The following SORCS1 variants were observed in gnomAD, a reference collection of about 807,000 sequenced individuals.
SORCS1 encodes the protein sortilin related VPS10 domain containing receptor 1, also known as VPS10 domain-containing receptor SorCS1.
A neutral mutation model predicts 146.1 loss-of-function variants in SORCS1; 60 were observed. The observed-to-expected ratio is 0.41, with a 90% CI of 0.33 to 0.51. SORCS1 has a LOEUF of 0.51. SORCS1 is among the 20% of genes least tolerant of loss of function. SORCS1 has a pLI of 0.21. For missense variants in SORCS1, 1,352 were observed against 1,487.6 expected (o/e 0.91, Z 1.50); for synonymous variants, 637 against 584.0 (o/e 1.09, Z -1.31).
chr10:106,774,663 G>T (rs1334554606), intron 4 of SORCS1, among the ~76,000 whole-genome samples: 2 of 152,106 alleles, frequency 1.3e-5, no homozygotes, highest in African/African-American at 4.8e-5. Flanking sequence ...CAGATCACTA[G>T]ATCTCTATCT....
intron 24 of SORCS1, among the ~76,000 whole-genome samples, chr10:106,583,362 T>C (rs1845034983): frequency 1.3e-5 from 2 of 152,166 alleles, no homozygotes; most frequent in African/African-American, 4.8e-5. Flanking sequence ...ACAGCAGCCC[T>C]TGCAGAAAAG....
intron 2 of SORCS1, among the ~76,000 whole-genome samples, chr10:106,919,726 A>T (rs1417585829): frequency 6.6e-6 from 1 of 152,236 alleles, no homozygotes. Context: ...ATAAAAATGT[A>T]TAAATAAAGT....
chr10:107,021,597 G>T (rs993599254), intron 1 of SORCS1, among the ~76,000 whole-genome samples: 47 of 148,210 alleles, frequency 3.2e-4, no homozygotes, highest in African/African-American at 1.1e-3. Flanking sequence ...CAGTTTTAGA[G>T]ATTTCATGTT....
intron 18 of SORCS1, among the ~76,000 whole-genome samples, chr10:106,637,570 G>C (rs1357376540): frequency 6.6e-6 from 1 of 152,172 alleles, no homozygotes; most frequent in African/African-American, 2.4e-5. Flanking sequence ...CTCTGACCTG[G>C]GGGATGAAGA....
chr10:107,072,551 A>G (rs1314182143), intron 1 of SORCS1, among the ~76,000 whole-genome samples: 2 of 152,012 alleles, frequency 1.3e-5, no homozygotes, highest in African/African-American at 2.4e-5. Flanking sequence ...ACACACATAC[A>G]TGTATTTATA....
chr10:106,962,962 G>A (rs1451757367), intron 1 of SORCS1, among the ~76,000 whole-genome samples: 1 of 152,048 alleles, frequency 6.6e-6, no homozygotes, highest in African/African-American at 2.4e-5. Flanking sequence ...GCAGCTTGCT[G>A]GAGACCAATT....
intron 1 of SORCS1, among the ~76,000 whole-genome samples, chr10:107,048,353 A>G (rs1291290566): frequency 6.6e-6 from 1 of 152,176 alleles, no homozygotes; most frequent in Admixed American, 6.5e-5. Flanking sequence ...TTAGCATGTC[A>G]TCTCACTGTC....
chr10:106,579,113 C>G, intron 25 of SORCS1: 1 of 1,614,044 alleles, frequency 6.2e-7, no homozygotes, highest in South Asian at 1.1e-5. Context: ...ATTCCACCTT[C>G]TCATCTATAA....
At chr10:106,968,913 T>G (rs899805247) in intron 1 of SORCS1, among the ~76,000 whole-genome samples, 25 of 152,220 alleles carry the variant, frequency 1.6e-4, no homozygotes. Context: ...TTTTACTCTC[T>G]TAAGAAATTA....
At chr10:106,689,782 A>G (rs1853157494) in intron 9 of SORCS1, among the ~76,000 whole-genome samples, 2 of 152,220 alleles carry the variant, frequency 1.3e-5, no homozygotes, top group Admixed American at 6.5e-5. Context: ...TTCAACAAAT[A>G]CAGCTTGAAT....
intron 1 of SORCS1, among the ~76,000 whole-genome samples, chr10:107,064,646 T>C (rs1961566664): frequency 6.6e-6 from 1 of 152,230 alleles, no homozygotes; most frequent in South Asian, 2.1e-4. Context: ...AGAAGTGAGA[T>C]CTACTAAATT....
chr10:106,618,140 G>A lies in SORCS1; in HGVS notation c.2920+9C>T, dbSNP rs769855025. The stretch of plus-strand genomic sequence containing the variant: ...AGACAGCAGTAGATCCACTGAGATG[G>A]GCACTCACCATATACTGCGATGGTC... On this transcript the variant is annotated intron_variant, in intron 21 of 25. Transcript: ENST00000263054. 3 of 1,613,860 alleles carry A rather than the reference G, an allele frequency of 1.9e-6. No homozygotes were observed. The highest frequency in any genetic ancestry group is 2.5e-6 in the Non-Finnish European group (3 of 1,179,846).
intron 1 of SORCS1, among the ~76,000 whole-genome samples, chr10:106,977,201 T>C (rs541927607): frequency 1.3e-5 from 2 of 152,324 alleles, no homozygotes; most frequent in Non-Finnish European, 2.9e-5. Context: ...CTAGCATCTA[T>C]TGTCTCCTGA....
In SORCS1 at chr10:106,699,296, CGT is replaced by C; in HGVS notation, c.1329_1330del (p.Arg444TrpfsTer18). On this transcript the variant is annotated frameshift_variant, in exon 9 of 26. Transcript: ENST00000263054. LOFTEE classifies it high-confidence loss of function. ...CAAGGCCAGGGTGAAGTAGACACCA[CGT>C]GTGTCTGAGATGTAGAGGTTGTACG... 1 of 1,613,936 alleles carries C rather than the reference CGT, an allele frequency of 6.2e-7. No homozygotes were observed. The highest frequency in any genetic ancestry group is 1.1e-5 in the South Asian group (1 of 91,056).
chr10:106,779,545 ATATTTTT>A (rs1413641875), intron 3 of SORCS1, among the ~76,000 whole-genome samples: 1 of 116,732 alleles, frequency 8.6e-6, no homozygotes, highest in Non-Finnish European at 1.9e-5. Flanking sequence ...ATTATGGCCC[ATATTTTT>A]TTTTTTTTTT....
intron 3 of SORCS1, among the ~76,000 whole-genome samples, chr10:106,801,956 C>T (rs900913209): frequency 5.9e-5 from 9 of 152,176 alleles, no homozygotes; most frequent in Non-Finnish European, 7.3e-5. Context: ...CTAGTGTCAG[C>T]GTTTTCATCC....
At chr10:106,686,851 T>C (rs1852884885) in intron 10 of SORCS1, among the ~76,000 whole-genome samples, 1 of 152,132 alleles carries the variant, frequency 6.6e-6, no homozygotes, top group Non-Finnish European at 1.5e-5. Flanking sequence ...ACCTGCAAAG[T>C]GACTGTCCAG....
intron 2 of SORCS1, among the ~76,000 whole-genome samples, chr10:106,831,059 G>A (rs1163898010): frequency 6.6e-6 from 1 of 152,042 alleles, no homozygotes; most frequent in East Asian, 1.9e-4. Flanking sequence ...CAAGCATGGT[G>A]GCAGTCGTCT....
rs752270204 is a variant in SORCS1 at position 106,709,329 on chromosome 10, A to T, written c.1037T>A (p.Leu346Gln). 1 of 1,612,556 alleles carries T rather than the reference A, an allele frequency of 6.2e-7. No individual in the cohort carries two copies. Among genetic ancestry groups the T allele is most frequent in the Non-Finnish European group, 8.5e-7 (1 of 1,178,980 alleles). ...ARTVDGHSHY[L>Q]TCRMQNCTEA... ...TGTACAGTTCTGCATTCGGCAAGTT[A>T]GATAATGTGAATCTGAAAAACAAAA... Residue 346 changes from leucine (L) to glutamine (Q), a missense_variant, in exon 7 of 26, where the codon CTA becomes CAA. Leu to Gln is a moderately radical substitution (Grantham distance 113). Coordinates refer to ENST00000263054, the MANE Select transcript of SORCS1 (RefSeq NM_052918.5).
Sources: allele counts gnomAD v4.1 joint callset (sites outside exome capture counted in the v4.1 genomes callset), GRCh38; gene constraint gnomAD v4.1.1; transcripts MANE v1.5; gene names NCBI Gene and HGNC (gene_info 2026-07-23, HGNC 2026-07-21).